The following ANGPT1 variants were observed in gnomAD, a reference collection of about 807,000 sequenced individuals.
The protein encoded by ANGPT1 is angiopoietin 1, also known as angiopoietin-1.
In ANGPT1, 17 loss-of-function variants were observed where a neutral mutation model predicts 62.2. The observed-to-expected ratio is 0.27, with a 90% CI of 0.19 to 0.41. ANGPT1 has a LOEUF of 0.41. ANGPT1 is among the 10% of genes least tolerant of loss of function. ANGPT1 has a pLI of 1.00. For missense variants in ANGPT1, 478 were observed against 594.9 expected, an observed-to-expected ratio of 0.80 and a Z score of 2.04; for synonymous variants, 199 against 198.9, an observed-to-expected ratio of 1.00 and a Z score of 0.00.
intron 1 of ANGPT1, among the ~76,000 whole-genome samples, chr8:107,379,349 T>C (rs1816591282): frequency 6.6e-6 from 1 of 152,202 alleles, no homozygotes; most frequent in Non-Finnish European, 1.5e-5. Context: ...TCTTGTTTCC[T>C]TAGTGGAACT....
intron 1 of ANGPT1, among the ~76,000 whole-genome samples, chr8:107,404,614 T>C (rs1352604336): frequency 6.6e-6 from 1 of 152,108 alleles, no homozygotes; most frequent in Admixed American, 6.6e-5. Flanking sequence ...GACATTTAGA[T>C]TGTCCCCAGT....
Position 107,346,924 on chromosome 8 carries a change from T to A in ANGPT1, c.453+18A>T, listed in dbSNP as rs758243150. On this transcript the variant is annotated intron_variant, in intron 2 of 8. Coordinates refer to ENST00000517746, the MANE Select transcript of ANGPT1 (RefSeq NM_001146.5). The stretch of plus-strand genomic sequence containing the variant: ...ATTTTTCCTTGTTGAGTCTGTGGAC[T>A]CTGGCCCTGGGGTGTACCTGGGTCT... 10 of 1,589,278 alleles carry A rather than the reference T, an allele frequency of 6.3e-6. No homozygotes were observed. The Middle Eastern group carries it at 5.1e-4, about 81-fold the overall frequency.
chr8:107,497,838 G>A lies in ANGPT1; in HGVS notation c.-280C>T, dbSNP rs1052154835. The stretch of plus-strand genomic sequence containing the variant: ...TTTATTGTTTCCTCTCTGTGTGACC[G>A]TTCAGCATGGAGCCTGCCTGAGTCA... On this transcript the variant is annotated 5_prime_UTR_variant, in exon 1 of 9. It adds an upstream start codon to the 5' untranslated region. Transcript: ENST00000517746. 3 of 540,636 alleles carry A rather than the reference G, an allele frequency of 5.5e-6. No individual in the cohort carries two copies. Among genetic ancestry groups the A allele is most frequent in the South Asian group, 2.9e-5 (1 of 34,242 alleles). The allele number at this position is 540,636 out of a possible 1,614,324, so 33.5% of individuals were successfully genotyped here. A position where few individuals can be genotyped will look rare whatever the true frequency, so the allele number is the denominator to read the frequency against.
intron 1 of ANGPT1, among the ~76,000 whole-genome samples, chr8:107,488,097 T>C (rs1019730089): frequency 2.0e-5 from 3 of 152,328 alleles, no homozygotes; most frequent in Admixed American, 1.3e-4. Flanking sequence ...TATTATCTTA[T>C]CAAATTTGTG....
intron 1 of ANGPT1, among the ~76,000 whole-genome samples, chr8:107,388,444 TA>T (rs1020824978): frequency 6.6e-6 from 1 of 151,898 alleles, no homozygotes; most frequent in Non-Finnish European, 1.5e-5. Flanking sequence ...AATAAATAAA[TA>T]AATAAATAAA....
chr8:107,497,212 C>T, intron 1 of ANGPT1, 50 bp downstream of exon 1: 1 of 1,580,382 alleles, frequency 6.3e-7, no homozygotes, highest in Non-Finnish European at 8.6e-7. Flanking sequence ...AGCTGCAGTG[C>T]AAGAAAGGAA....
intron 1 of ANGPT1, among the ~76,000 whole-genome samples, chr8:107,486,121 T>G (rs540065896): frequency 2.0e-5 from 3 of 152,290 alleles, no homozygotes; most frequent in Non-Finnish European, 4.4e-5. Flanking sequence ...AAACAGAACT[T>G]GAGAAAGGGG....
chr8:107,405,493 A>G (rs997209322), intron 1 of ANGPT1, among the ~76,000 whole-genome samples: 1 of 151,984 alleles, frequency 6.6e-6, no homozygotes, highest in Non-Finnish European at 1.5e-5. Flanking sequence ...TCACAGCCAA[A>G]ATGTGATCAA....
At chr8:107,433,951 A>G (rs554531808) in intron 1 of ANGPT1, among the ~76,000 whole-genome samples, 3 of 152,224 alleles carry the variant, frequency 2.0e-5, no homozygotes, top group Non-Finnish European at 4.4e-5. Context: ...AATACTGTGA[A>G]AGGTGATAGG....
At chr8:107,421,771 T>C (rs1201909382) in intron 1 of ANGPT1, among the ~76,000 whole-genome samples, 1 of 152,188 alleles carries the variant, frequency 6.6e-6, no homozygotes, top group Non-Finnish European at 1.5e-5. Context: ...GGAAGTTAGT[T>C]TCAGTAAAGC....
chr8:107,428,734 G>C (rs1811102211), intron 1 of ANGPT1, among the ~76,000 whole-genome samples: 1 of 152,056 alleles, frequency 6.6e-6, no homozygotes. Context: ...CACGTTGATA[G>C]CCACAGCATC....
At chr8:107,304,954 A>G (rs1417621860) in intron 4 of ANGPT1, among the ~76,000 whole-genome samples, 3 of 151,980 alleles carry the variant, frequency 2.0e-5, no homozygotes, top group Non-Finnish European at 4.4e-5. Context: ...ATGTATGCAA[A>G]TAGCAATTTA....
At chr8:107,467,610 C>T (rs1321453894) in intron 1 of ANGPT1, among the ~76,000 whole-genome samples, 2 of 151,934 alleles carry the variant, frequency 1.3e-5, no homozygotes, top group Non-Finnish European at 2.9e-5. Flanking sequence ...GTCCTTGGGA[C>T]AAAACAGACC....
chr8:107,433,400 C>T (rs990796713), intron 1 of ANGPT1, among the ~76,000 whole-genome samples: 1 of 152,146 alleles, frequency 6.6e-6, no homozygotes, highest in Non-Finnish European at 1.5e-5. Flanking sequence ...AGTTCTGTGG[C>T]TTTCAAGATC....
At chr8:107,488,202 C>T (rs1473162793) in intron 1 of ANGPT1, among the ~76,000 whole-genome samples, 1 of 152,168 alleles carries the variant, frequency 6.6e-6, no homozygotes, top group Non-Finnish European at 1.5e-5. Context: ...AAACTGCTTT[C>T]TGTAAGGCAG....
At chr8:107,478,770 G>T (rs1157411) in intron 1 of ANGPT1, among the ~76,000 whole-genome samples, 93,577 of 151,496 alleles carry the variant, frequency 0.62, 29,075 homozygotes, top group East Asian at 0.69. Flanking sequence ...CACAAACTCA[G>T]TGCTATTACA....
chr8:107,266,662 C>G (rs1016863556), intron 7 of ANGPT1, among the ~76,000 whole-genome samples: 1 of 152,070 alleles, frequency 6.6e-6, no homozygotes, highest in African/African-American at 2.4e-5. Context: ...AATGGCCTTC[C>G]TTTTTACGGT....
At chr8:107,379,938 T>C (rs2130269558) in intron 1 of ANGPT1, among the ~76,000 whole-genome samples, 1 of 152,252 alleles carries the variant, frequency 6.6e-6, no homozygotes, top group Non-Finnish European at 1.5e-5. Flanking sequence ...TGTTGGGGTC[T>C]TGAGATATCC....
chr8:107,337,017 CTCATTA>C (rs902115991), intron 2 of ANGPT1, among the ~76,000 whole-genome samples: 10 of 152,158 alleles, frequency 6.6e-5, no homozygotes, highest in Non-Finnish European at 1.2e-4. Context: ...TTTAGAAAGA[CTCATTA>C]TCACACATTT....
Sources: gnomAD v4.1 joint callset for allele counts (sites outside exome capture counted in the v4.1 genomes callset) on GRCh38, gnomAD v4.1.1 for gene constraint, MANE v1.5 for transcripts, NCBI Gene and HGNC (gene_info 2026-07-23, HGNC 2026-07-21) for gene names.